MLH3: variants seen among roughly 807,000 people sequenced by gnomAD.
MLH3 encodes the protein DNA mismatch repair protein Mlh3.
A neutral mutation model predicts 122.2 loss-of-function variants in MLH3; 82 were observed. The observed-to-expected ratio is 0.67, with a 90% CI of 0.56 to 0.81. MLH3 has a LOEUF of 0.81. MLH3 is among the 30% of genes least tolerant of loss of function. MLH3 has a pLI of 0.00. For missense variants in MLH3, 1,539 were observed against 1,714.5 expected, an observed-to-expected ratio of 0.90 and a Z score of 1.81; for synonymous variants, 524 against 599.5, an observed-to-expected ratio of 0.87 and a Z score of 1.84.
At chr14:75,027,095 T>C (rs1890675865) in intron 9 of MLH3, among the ~76,000 whole-genome samples, 1 of 151,370 alleles carries the variant, frequency 6.6e-6, no homozygotes, top group South Asian at 2.1e-4. Context: ...TGAGACTCTG[T>C]CTCAAAAAAT....
Position 75,047,201 on chromosome 14 carries a change from G to A in MLH3, c.2455C>T (p.Gln819Ter), listed in dbSNP as rs2139562251. 6.2e-7 allele frequency: 1 copy of A among 1,614,110 alleles called. No homozygotes were observed. The highest frequency in any genetic ancestry group is 8.5e-7 in the Non-Finnish European group (1 of 1,179,984). Residue 819 changes from glutamine (Q) to a stop codon, truncating the protein, a stop_gained, in exon 2 of 13, where the codon CAA becomes TAA. Coordinates refer to ENST00000355774, the MANE Select transcript of MLH3 (RefSeq NM_001040108.2). LOFTEE classifies it high-confidence loss of function. ...GAGTTAAGGATGTGGCTTGCTGGTT[G>A]ACAACTACTATCTGAATCACTATGC... is the stretch of plus-strand genomic sequence containing the variant. ...MEHSDSDSSCQPASHILNSEK... is the reference protein window; with the variant it reads ...MEHSDSDSSC
chr14:75,049,232 C>A lies in MLH3; in HGVS notation c.424G>T (p.Ala142Ser), dbSNP rs745639930. The A allele has an allele frequency of 2.6e-5, 42 of 1,614,066 alleles. No homozygotes were observed. The highest frequency in any genetic ancestry group is 3.4e-5 in the Non-Finnish European group (40 of 1,180,046). Residue 142 changes from alanine to serine, a missense_variant, in exon 2 of 13, where the codon GCT becomes TCT. Ala to Ser is a moderately conservative substitution (Grantham distance 99). Coordinates refer to ENST00000355774, the MANE Select transcript of MLH3 (RefSeq NM_001040108.2). ...ACEADVTRAS[A>S]GTTVTVYNLF... ...TTATACACTGTTACAGTAGTCCCAG[C>A]GCTTGCTCTAGTCACATCAGCTTCA...
intron 11 of MLH3, among the ~76,000 whole-genome samples, chr14:75,020,171 A>G (rs185843733): frequency 6.6e-6 from 1 of 152,340 alleles, no homozygotes; most frequent in East Asian, 1.9e-4. Flanking sequence ...CAGAAGACCA[A>G]AAAAGCAGGC....
intron 11 of MLH3, among the ~76,000 whole-genome samples, chr14:75,020,121 C>T (rs1164066307): frequency 6.6e-6 from 1 of 152,130 alleles, no homozygotes; most frequent in Non-Finnish European, 1.5e-5. Context: ...AAGGCCAGTG[C>T]AGAGGCCCCG....
intron 6 of MLH3, among the ~76,000 whole-genome samples, chr14:75,034,274 G>T (rs1171863508): frequency 6.6e-6 from 1 of 151,484 alleles, no homozygotes; most frequent in Non-Finnish European, 1.5e-5. Context: ...TACTGATTTT[G>T]CCTTATTAAT....
chr14:75,031,874 A>G (rs1249823282), intron 8 of MLH3, among the ~76,000 whole-genome samples, 194 bp downstream of exon 8: 1 of 152,202 alleles, frequency 6.6e-6, no homozygotes, highest in Non-Finnish European at 1.5e-5. Flanking sequence ...AAAAAAGGAA[A>G]CAAACAGCCT....
At chr14:75,036,405 G>A (rs1389787345) in intron 6 of MLH3, among the ~76,000 whole-genome samples, 1 of 151,606 alleles carries the variant, frequency 6.6e-6, no homozygotes, top group Non-Finnish European at 1.5e-5. Context: ...GAGTGCAGTG[G>A]TGCGATCTTG....
At position 75,047,863 on chromosome 14, in the gene MLH3, T is replaced by C; in HGVS notation, c.1793A>G (p.Tyr598Cys). ...SNCGRRNVFS[Y>C]GRVKLCSTGF... Reference sequence around the variant, plus strand: ...AGTGGAACATAATTTAACTCGCCCATAACTAAAAACATTTCTTCTTCCACA... The same window carrying C: ...AGTGGAACATAATTTAACTCGCCCACAACTAAAAACATTTCTTCTTCCACA... The change falls in exon 2 of 13, where the codon TAT (tyrosine) becomes TGT (cysteine). Residue 598 changes from tyrosine (Y) to cysteine (C), a missense_variant. By Grantham distance (194) the Tyr-to-Cys change is radical. Coordinates refer to ENST00000355774, the MANE Select transcript of MLH3 (RefSeq NM_001040108.2). The C allele has an allele frequency of 6.2e-7, 1 of 1,613,264 alleles. No individual in the cohort carries two copies. Among genetic ancestry groups the C allele is most frequent in the Non-Finnish European group, 8.5e-7 (1 of 1,179,842 alleles).
chr14:75,020,256 C>T (rs758334505), intron 11 of MLH3, among the ~76,000 whole-genome samples: 20 of 152,238 alleles, frequency 1.3e-4, no homozygotes, highest in Admixed American at 5.9e-4. Flanking sequence ...ATCACGAAGA[C>T]CCTTGTGGGC....
At chr14:75,026,864 C>T (rs1890657369) in intron 9 of MLH3, among the ~76,000 whole-genome samples, 1 of 152,032 alleles carries the variant, frequency 6.6e-6, no homozygotes, top group Non-Finnish European at 1.5e-5. Context: ...TTTGGGAGGC[C>T]ACGGCAGGCA....
chr14:75,021,265 C>G (rs1005027291), intron 11 of MLH3, among the ~76,000 whole-genome samples: 1 of 152,202 alleles, frequency 6.6e-6, no homozygotes, highest in Non-Finnish European at 1.5e-5. Flanking sequence ...CTGGTAAAGA[C>G]TCTAAAAGCA....
intron 6 of MLH3, chr14:75,036,762 A>T: frequency 2.2e-6 from 1 of 456,202 alleles, no homozygotes. Context: ...CCAGAACACC[A>T]GAAGTCATCT....
In MLH3 at chr14:75,048,272, C is replaced by T. The variant is rs369525473; in HGVS notation, c.1384G>A (p.Asp462Asn). The change falls in exon 2 of 13, where the codon GAC becomes AAC. Residue 462 changes from aspartate to asparagine, a missense_variant. Coordinates refer to ENST00000355774, the MANE Select transcript of MLH3 (RefSeq NM_001040108.2). ...KMTEPSLQNKDSSCSESKMLE... is the reference protein window; with the variant it reads ...KMTEPSLQNKNSSCSESKMLE... ...ATCTTTGATTCTGAGCAAGAGCTGT[C>T]TTTGTTTTGTAAAGATGGCTCTGTC... 10 of 1,614,008 alleles carry T rather than the reference C, an allele frequency of 6.2e-6. No homozygotes were observed. The highest frequency in any genetic ancestry group is 1.6e-4 in the Middle Eastern group (1 of 6,062).
chr14:75,049,797 G>T, intron 1 of MLH3, 79 bp from the exon 2 acceptor site: 1 of 881,010 alleles, frequency 1.1e-6, no homozygotes, highest in Non-Finnish European at 1.8e-6. Context: ...AGCACTTGAG[G>T]TAAATGAAAT....
chr14:75,038,427 A>C lies in MLH3; in HGVS notation c.3571-15T>G. 1 of 1,530,288 alleles carries C rather than the reference A, an allele frequency of 6.5e-7. No homozygotes were observed. The highest frequency in any genetic ancestry group is 9.1e-7 in the Non-Finnish European group (1 of 1,103,986). The allele number at this position is 1,530,288 out of a possible 1,614,324, so 94.8% of individuals were successfully genotyped here. A position where few individuals can be genotyped will look rare whatever the true frequency, so the allele number is the denominator to read the frequency against. On this transcript the variant is annotated splice_polypyrimidine_tract_variant and intron_variant, in intron 5 of 12. Transcript: ENST00000355774. ...TGCTGGAGAACCTGTCAGACATTCA[A>C]ATAAGTGGTACAACACTAAATAAAA...
chr14:75,047,798 A>C lies in MLH3; in HGVS notation c.1858T>G (p.Ser620Ala), dbSNP rs878854162. The change falls in exon 2 of 13, where the codon TCA becomes GCA. Residue 620 changes from serine to alanine, a missense_variant. Ser to Ala is a moderately conservative substitution (Grantham distance 99). Coordinates refer to ENST00000355774, the MANE Select transcript of MLH3 (RefSeq NM_001040108.2). ...THVVQNEKTK[S>A]TETEHSFKNY... ...TTAAATGAATGTTCTGTTTCAGTTG[A>C]TTTAGTTTTTTCATTTTGTACTACA... is the stretch of plus-strand genomic sequence containing the variant. 1.2e-6 allele frequency: 2 copies of C among 1,614,002 alleles called. No individual in the cohort carries two copies. The highest frequency in any genetic ancestry group is 1.7e-6 in the Non-Finnish European group (2 of 1,179,966).
intron 9 of MLH3, 29 bp downstream of exon 9, chr14:75,030,514 T>C (rs1296374550): frequency 1.2e-6 from 2 of 1,610,762 alleles, no homozygotes; most frequent in Non-Finnish European, 1.7e-6. Flanking sequence ...CACTCAGCAA[T>C]TTCCTTAACA....
At position 75,047,161 on chromosome 14, in the gene MLH3, A is replaced by G. The variant is rs1034272959; in HGVS notation, c.2495T>C (p.Phe832Ser). The G allele has an allele frequency of 6.2e-7, 1 of 1,614,138 alleles. No homozygotes were observed. Among genetic ancestry groups the G allele is most frequent in the Non-Finnish European group, 8.5e-7 (1 of 1,179,984 alleles). Reference sequence around the variant, plus strand: ...TTCTAAACAATCTTCATCCTTGGAGAATGGAAACTTCTCTGAGTTAAGGAT... The same window carrying G: ...TTCTAAACAATCTTCATCCTTGGAGGATGGAAACTTCTCTGAGTTAAGGAT... The part of the protein sequence containing the change: ...SHILNSEKFP[F>S]SKDEDCLEQQ... Residue 832 changes from phenylalanine to serine, a missense_variant, in exon 2 of 13, where the codon TTC becomes TCC. Physicochemically the swap from Phe to Ser is radical, Grantham distance 155. Transcript: ENST00000355774.
In MLH3 at chr14:75,051,045, A is replaced by C. The variant is rs2273162; in HGVS notation, c.-64+335T>G. On this transcript the variant is annotated intron_variant, in intron 1 of 12. Transcript: ENST00000355774. ...GCAACTGACGGGTAAACGTTTAACA[A>C]GTATTCCGATTAATGTAAACCCAAT... 7 of 152,416 alleles carry C rather than the reference A, an allele frequency of 4.6e-5. No homozygotes were observed. The East Asian group carries it at 1.4e-3, about 29-fold the overall frequency. 9.4% of individuals were successfully genotyped at this position (152,416 alleles called of 1,614,324 possible).
Sources: gnomAD v4.1 joint callset for allele counts (sites outside exome capture counted in the v4.1 genomes callset) on GRCh38, gnomAD v4.1.1 for gene constraint, MANE v1.5 for transcripts, NCBI Gene and HGNC (gene_info 2026-07-23, HGNC 2026-07-21) for gene names.